ESRRG: variants seen among roughly 807,000 people sequenced by gnomAD.
ESRRG encodes the protein estrogen related receptor gamma, also known as estrogen-related receptor gamma.
Under a neutral mutation model 44.0 loss-of-function variants are expected in ESRRG, and 13 were observed. That is an observed-to-expected ratio of 0.30 (90% CI 0.19 to 0.47). The LOEUF is 0.47. ESRRG is among the 20% of genes least tolerant of loss of function. The pLI is 1.00. For synonymous variants in ESRRG, 215 were observed against 214.6 expected (o/e 1.00, Z -0.02); for missense variants, 395 against 580.6 (o/e 0.68, Z 3.29).
intron 1 of ESRRG, among the ~76,000 whole-genome samples, chr1:217,065,495 C>A (rs1321689592): frequency 1.3e-5 from 2 of 152,066 alleles, no homozygotes; most frequent in Non-Finnish European, 2.9e-5. Flanking sequence ...TGGATCTGAC[C>A]CACTCTGATG....
At chr1:216,965,132 TTATGCAACCGAAAAGTTACACA>T (rs1159766034) in intron 1 of ESRRG, among the ~76,000 whole-genome samples, 1 of 151,404 alleles carries the variant, frequency 6.6e-6, no homozygotes, top group Non-Finnish European at 1.5e-5. Context: ...AAGTCAAATG[TTATGCAACCGAAAAGTTACACA>T]TATGCCTTTT....
intron 1 of ESRRG, among the ~76,000 whole-genome samples, chr1:217,069,009 A>G (rs2090182141): frequency 6.6e-6 from 1 of 152,222 alleles, no homozygotes; most frequent in Non-Finnish European, 1.5e-5. Context: ...CTGAGTGTCA[A>G]CTTGATTGGA....
rs781108254 is a variant in ESRRG at position 216,703,681 on chromosome 1, GTGTATGTT to G, written c.56+19555_56+19562del. Among the ~76,000 whole-genome samples the G allele has an allele frequency of 5.0e-3, 657 of 132,130 alleles. 9 individuals carry two copies. Among genetic ancestry groups the G allele is most frequent in the East Asian group, 0.031 (134 of 4,374 alleles). 86.7% of individuals were successfully genotyped at this position (132,130 alleles called of 152,430 possible). ...TAGATGTGTGTGTGTGTGTGTGTGTGTGTATGTTTGTGTGTGTATGTTTCTGTGTGTTT... is the reference window on the plus strand; with the variant it reads ...TAGATGTGTGTGTGTGTGTGTGTGTGTGTGTGTGTATGTTTCTGTGTGTTT... On this transcript the variant is annotated intron_variant, in intron 1 of 6. Coordinates refer to ENST00000408911, the MANE Select transcript of ESRRG (RefSeq NM_001438.4).
At chr1:216,788,838 T>G (rs1283317725) in intron 2 of ESRRG, among the ~76,000 whole-genome samples, 1 of 152,134 alleles carries the variant, frequency 6.6e-6, no homozygotes, top group Non-Finnish European at 1.5e-5. Context: ...TGGAAGAACT[T>G]GATTCCAATT....
At chr1:216,846,451 C>G (rs2095751223) in intron 2 of ESRRG, among the ~76,000 whole-genome samples, 1 of 152,138 alleles carries the variant, frequency 6.6e-6, no homozygotes, top group South Asian at 2.1e-4. Context: ...CATATGGTCT[C>G]TGTTTCAACT....
rs186918699 is a variant in ESRRG at position 216,901,641 on chromosome 1, G to A, written c.-14+37941C>T. 2.4e-3 allele frequency among the ~76,000 whole-genome samples: 371 copies of A among 152,162 alleles called. 1 individual carries two copies. Among genetic ancestry groups the A allele is most frequent in the African/African-American group, 8.6e-3 (356 of 41,506 alleles). ...CCACCTTGGCCTCCCAAAGTATTGG[G>A]GTTACAGGTGTAAGCCACCACACCA... On this transcript the variant is annotated intron_variant, in intron 2 of 7. Coordinates refer to the ESRRG transcript ENST00000359162.
rs1349446151 is a variant in ESRRG at position 216,519,438 on chromosome 1, G to A, written c.863-17C>T. 2 of 1,591,346 alleles carry A rather than the reference G, an allele frequency of 1.3e-6. No individual in the cohort carries two copies. The highest frequency in any genetic ancestry group is 1.7e-6 in the Non-Finnish European group (2 of 1,175,842). On this transcript the variant is annotated splice_polypyrimidine_tract_variant and intron_variant, in intron 5 of 6. Transcript: ENST00000408911. ...TGGAGAAGCCTGCATGGAAAGATGGGCAGATCAAGTTACTTTAAAGCCATA... is the reference window on the plus strand; with the variant it reads ...TGGAGAAGCCTGCATGGAAAGATGGACAGATCAAGTTACTTTAAAGCCATA...
intron 1 of ESRRG, among the ~76,000 whole-genome samples, chr1:216,997,386 G>T (rs12758444): frequency 0.37 from 55,686 of 152,082 alleles, 11,336 homozygotes; most frequent in Middle Eastern, 0.47. Flanking sequence ...TAGCAGCCTG[G>T]CATGCAGTGA....
chr1:217,133,508 G>A (rs1440389776), intron 1 of ESRRG, among the ~76,000 whole-genome samples: 1 of 152,246 alleles, frequency 6.6e-6, no homozygotes, highest in East Asian at 1.9e-4. Flanking sequence ...ATGTGTCTGA[G>A]GGTCCTTGGC....
At chr1:216,736,293 C>G (rs1207606596) in intron 2 of ESRRG, among the ~76,000 whole-genome samples, 1 of 150,550 alleles carries the variant, frequency 6.6e-6, no homozygotes. Context: ...CGCCATTCTC[C>G]TGCCTCAGCC....
At chr1:217,066,989 A>G (rs2089825252) in intron 1 of ESRRG, among the ~76,000 whole-genome samples, 1 of 152,258 alleles carries the variant, frequency 6.6e-6, no homozygotes, top group Admixed American at 6.5e-5. Context: ...TTTTACTAGA[A>G]GTAAACTGAA....
rs577995273 is a variant in ESRRG, at chr1:216,816,506, A to T, written c.-14+123076T>A. Among the ~76,000 whole-genome samples the T allele has an allele frequency of 9.2e-5, 14 of 152,346 alleles. 1 individual carries two copies. In the South Asian group the frequency reaches 2.9e-3, roughly 32 times the overall value. ...TACTAACATAATGCCTTTTGTGGCTAGGCCAAAAGCAAATAAGCATTAAGC... is the reference window on the plus strand; with the variant it reads ...TACTAACATAATGCCTTTTGTGGCTTGGCCAAAAGCAAATAAGCATTAAGC... On this transcript the variant is annotated intron_variant, in intron 2 of 7. Coordinates refer to the ESRRG transcript ENST00000359162.
intron 3 of ESRRG, among the ~76,000 whole-genome samples, chr1:216,581,924 C>T (rs2062849937): frequency 6.6e-6 from 1 of 152,204 alleles, no homozygotes; most frequent in Admixed American, 6.5e-5. Context: ...TCTTTGGTGT[C>T]TATACCAAAG....
intron 6 of ESRRG, among the ~76,000 whole-genome samples, chr1:216,515,650 A>C (rs183654133): frequency 6.6e-6 from 1 of 152,124 alleles, no homozygotes; most frequent in Non-Finnish European, 1.5e-5. Flanking sequence ...GTGTAGAAGT[A>C]AAAAAGAAAA....
intron 2 of ESRRG, among the ~76,000 whole-genome samples, chr1:216,732,381 ATTT>A (rs5780915): frequency 4.8e-5 from 7 of 145,512 alleles, no homozygotes; most frequent in Non-Finnish European, 1.1e-4. Context: ...GGATTTATTG[ATTT>A]TTTTTTTTTT....
chr1:216,963,996 A>T (rs563772587), intron 1 of ESRRG, among the ~76,000 whole-genome samples: 1 of 152,326 alleles, frequency 6.6e-6, no homozygotes, highest in South Asian at 2.1e-4. Flanking sequence ...TAATCAGGCA[A>T]AGATACTACC....
At chr1:216,607,447 C>A (rs1421384504) in intron 3 of ESRRG, among the ~76,000 whole-genome samples, 1 of 152,098 alleles carries the variant, frequency 6.6e-6, no homozygotes, top group Admixed American at 6.6e-5. Flanking sequence ...ACAGAGTGGG[C>A]GCTTGCACGG....
At chr1:217,066,304 G>T (rs2089671675) in intron 1 of ESRRG, among the ~76,000 whole-genome samples, 1 of 142,114 alleles carries the variant, frequency 7.0e-6, no homozygotes, top group Non-Finnish European at 1.5e-5. Flanking sequence ...GCCCAGGCTG[G>T]AGTGCAGTGG....
At chr1:217,114,822 A>C (rs867939705) in intron 1 of ESRRG, among the ~76,000 whole-genome samples, 6 of 151,690 alleles carry the variant, frequency 4.0e-5, no homozygotes, top group African/African-American at 1.5e-4. Context: ...ACACGCAGCT[A>C]ATTTTTGTAT....
Sources: allele counts gnomAD v4.1 joint callset (sites outside exome capture counted in the v4.1 genomes callset), GRCh38; gene constraint gnomAD v4.1.1; transcripts MANE v1.5; gene names NCBI Gene and HGNC (gene_info 2026-07-23, HGNC 2026-07-21).